Variants in PRKN observed in about 807,000 individuals in gnomAD.
PRKN encodes the protein E3 ubiquitin-protein ligase parkin.
PRKN carries 56 observed loss-of-function variants against 59.5 expected under a neutral mutation model. The observed-to-expected ratio is 0.94, with a 90% CI of 0.76 to 1.18. The LOEUF (loss-of-function observed/expected upper bound fraction) is 1.18. Ranked by LOEUF, PRKN falls within the 50% of genes most tolerant of loss-of-function variation. The pLI is 0.00. For synonymous variants in PRKN, 250 were observed against 222.1 expected (o/e 1.13, Z -1.12); for missense variants, 657 against 596.4 (o/e 1.10, Z -1.06).
intron 7 of PRKN, among the ~76,000 whole-genome samples, chr6:161,740,940 T>G (rs1037924311): frequency 2.0e-5 from 3 of 152,226 alleles, no homozygotes; most frequent in Non-Finnish European, 2.9e-5. Context: ...CTCCCTGGAC[T>G]GAATTGATGG....
At chr6:162,102,190 C>T (rs889552792) in intron 4 of PRKN, among the ~76,000 whole-genome samples, 1 of 152,162 alleles carries the variant, frequency 6.6e-6, no homozygotes, top group Non-Finnish European at 1.5e-5. Flanking sequence ...CTCCGTCCCC[C>T]CACCCATCCC....
intron 4 of PRKN, among the ~76,000 whole-genome samples, chr6:162,136,663 A>G (rs1353233705): frequency 6.6e-6 from 1 of 152,232 alleles, no homozygotes; most frequent in Non-Finnish European, 1.5e-5. Flanking sequence ...TGTTCATTAA[A>G]TGGTAGCCTT....
intron 10 of PRKN, among the ~76,000 whole-genome samples, chr6:161,381,292 G>C (rs892989030): frequency 6.6e-6 from 1 of 152,140 alleles, no homozygotes; most frequent in African/African-American, 2.4e-5. Context: ...CACTGGGACT[G>C]GAGTGGTCAT....
chr6:161,707,481 C>T (rs6942285), intron 7 of PRKN, among the ~76,000 whole-genome samples: 69,282 of 151,952 alleles, frequency 0.46, 16,208 homozygotes, highest in Admixed American at 0.61. Flanking sequence ...ATATGGACAC[C>T]CACACATATG....
chr6:162,347,703 T>G lies in PRKN; in HGVS notation c.172-84938A>C, dbSNP rs146803794. Among the ~76,000 whole-genome samples, 54 of 152,320 alleles carry G rather than the reference T, an allele frequency of 3.5e-4. No individual in the cohort carries two copies. The East Asian group carries it at 0.01, about 29-fold the overall frequency. The stretch of plus-strand genomic sequence containing the variant: ...TATCTATGGCTCCCTCTTATTTCAC[T>G]GAGACAAATAGATTTAGAAATCTCC... On this transcript the variant is annotated intron_variant, in intron 2 of 11. Transcript: ENST00000366898.
chr6:162,598,553 A>G (rs189919505), intron 1 of PRKN, among the ~76,000 whole-genome samples: 39 of 152,298 alleles, frequency 2.6e-4, no homozygotes, highest in African/African-American at 9.1e-4. Context: ...TTCATGAAAT[A>G]GAAAGAAGTT....
rs902316832 is a variant in PRKN, at chr6:162,328,009, G to A, written c.172-65244C>T. ...CATTTACGTGGGCAGGGCAAGCGACGCTGGCCACACTGCAAGGCCCTCAAC... is the reference window on the plus strand; with the variant it reads ...CATTTACGTGGGCAGGGCAAGCGACACTGGCCACACTGCAAGGCCCTCAAC... On this transcript the variant is annotated intron_variant, in intron 2 of 11. Transcript: ENST00000366898. Among the ~76,000 whole-genome samples the A allele has an allele frequency of 3.9e-5, 6 of 152,100 alleles. No individual in the cohort carries two copies. In the East Asian group the frequency reaches 7.7e-4, roughly 20 times the overall value.
chr6:162,568,207 G>C (rs563689948), intron 1 of PRKN, among the ~76,000 whole-genome samples: 14 of 152,162 alleles, frequency 9.2e-5, no homozygotes, highest in African/African-American at 3.4e-4. Context: ...GGTCTGTCTG[G>C]GTAAAAATTT....
Position 162,727,741 on chromosome 6 carries a change from C to T in PRKN, c.-73G>A. ...GCAGCGGCGCCAGCCGCGCCTCCCA[C>T]CAGCGGCTCTCCTGGGTTAAATCCT... On this transcript the variant is annotated 5_prime_UTR_variant, in exon 1 of 12. The change creates a new upstream start codon in the 5' untranslated region. Coordinates refer to ENST00000366898, the MANE Select transcript of PRKN (RefSeq NM_004562.3). The T allele has an allele frequency of 2.7e-6, 4 of 1,478,160 alleles. No individual in the cohort carries two copies. Among genetic ancestry groups the T allele is most frequent in the Non-Finnish European group, 3.7e-6 (4 of 1,081,990 alleles). 91.6% of individuals were successfully genotyped at this position (1,478,160 alleles called of 1,614,324 possible).
intron 7 of PRKN, among the ~76,000 whole-genome samples, chr6:161,680,109 G>A (rs1393295715): frequency 6.6e-6 from 1 of 152,086 alleles, no homozygotes; most frequent in African/African-American, 2.4e-5. Flanking sequence ...TTGTTGCTGG[G>A]CAAAGACACT....
rs1469888423 is a variant in PRKN, at chr6:161,373,817, G to T, written c.1167+12977C>A. ...CCCCCCTGCCAGCCCCGTTTTTAAT[G>T]AAGGAATTATGGGGGCCAGGATCCA... is the stretch of plus-strand genomic sequence containing the variant. On this transcript the variant is annotated intron_variant, in intron 10 of 11. Coordinates refer to ENST00000366898, the MANE Select transcript of PRKN (RefSeq NM_004562.3). The surrounding 1 kb of genome is among the most constrained non-coding windows in gnomAD (Gnocchi z 4.8). Among the ~76,000 whole-genome samples, 1 of 152,092 alleles carries T rather than the reference G, an allele frequency of 6.6e-6. No individual in the cohort carries two copies. Among genetic ancestry groups the T allele is most frequent in the Non-Finnish European group, 1.5e-5 (1 of 68,012 alleles).
At chr6:162,260,366 A>C (rs917561096) in intron 3 of PRKN, among the ~76,000 whole-genome samples, 4 of 152,138 alleles carry the variant, frequency 2.6e-5, no homozygotes, top group African/African-American at 9.7e-5. Context: ...ACATTCCATA[A>C]ATTTACTAGA....
intron 3 of PRKN, among the ~76,000 whole-genome samples, chr6:162,247,271 C>T (rs1247709217): frequency 6.6e-6 from 1 of 152,000 alleles, no homozygotes; most frequent in Non-Finnish European, 1.5e-5. Flanking sequence ...CAGAAAAATA[C>T]AACGATTTAT....
At position 162,145,737 on chromosome 6, in the gene PRKN, C is replaced by T. The variant is rs371148214; in HGVS notation, c.534+55394G>A. 2.4e-4 allele frequency among the ~76,000 whole-genome samples: 37 copies of T among 152,192 alleles called. No individual in the cohort carries two copies. The East Asian group carries it at 3.1e-3, about 13-fold the overall frequency. ...ATCTCATGTAAATACAGTGTTGGCCCGCAATCAGCATCCAGGTCAGCTTGG... is the reference window on the plus strand; with the variant it reads ...ATCTCATGTAAATACAGTGTTGGCCTGCAATCAGCATCCAGGTCAGCTTGG... On this transcript the variant is annotated intron_variant, in intron 4 of 11. Transcript: ENST00000366898.
rs143946774 is a variant in PRKN, at chr6:161,971,552, C to T, written c.734+1750G>A. Among the ~76,000 whole-genome samples, 868 of 152,304 alleles carry T rather than the reference C, an allele frequency of 5.7e-3. 3 individuals carry two copies. The highest frequency in any genetic ancestry group is 9.0e-3 in the Admixed American group (138 of 15,304). ...AGCTGTTCTTCTTGCATGTTGAAAGCGTTAGCCATACACAGTCATTCACCT... is the reference window on the plus strand; with the variant it reads ...AGCTGTTCTTCTTGCATGTTGAAAGTGTTAGCCATACACAGTCATTCACCT... On this transcript the variant is annotated intron_variant, in intron 6 of 11. Transcript: ENST00000366898.
intron 5 of PRKN, among the ~76,000 whole-genome samples, chr6:162,044,854 A>G (rs1364210353): frequency 6.6e-6 from 1 of 152,112 alleles, no homozygotes; most frequent in African/African-American, 2.4e-5. Flanking sequence ...AGCACTTTCT[A>G]TGCGTGTTTC....
chr6:161,797,031 A>C (rs1162634690), intron 6 of PRKN, among the ~76,000 whole-genome samples: 1 of 152,226 alleles, frequency 6.6e-6, no homozygotes, highest in Non-Finnish European at 1.5e-5. Flanking sequence ...ACCTCATGAC[A>C]GGAAGAATTA....
intron 2 of PRKN, among the ~76,000 whole-genome samples, chr6:162,363,000 C>T (rs964160616): frequency 1.4e-4 from 21 of 151,524 alleles, no homozygotes; most frequent in Middle Eastern, 3.4e-3. Context: ...TCGTGGTGGG[C>T]GCCTGTAGTC....
chr6:162,057,788 G>A (rs992339942), intron 4 of PRKN, among the ~76,000 whole-genome samples: 12 of 152,150 alleles, frequency 7.9e-5, no homozygotes, highest in Middle Eastern at 3.2e-3. Context: ...AAAGTTAAAC[G>A]TGCTTTGTAA....
Sources: gnomAD v4.1 joint callset for allele counts (sites outside exome capture counted in the v4.1 genomes callset) on GRCh38, gnomAD v4.1.1 for gene constraint, Gnocchi (gnomAD v3.1) non-coding constraint, MANE v1.5 for transcripts, NCBI Gene and HGNC (gene_info 2026-07-23, HGNC 2026-07-21) for gene names.